The following EPB41L4A variants were observed in gnomAD, a reference collection of about 807,000 sequenced individuals.
EPB41L4A encodes band 4.1-like protein 4A.
In EPB41L4A, 100 loss-of-function variants were observed where a neutral mutation model predicts 108.6. That is an observed-to-expected ratio of 0.92 (90% CI 0.78 to 1.09). EPB41L4A has a LOEUF of 1.09. Ranked by LOEUF, EPB41L4A falls within the 50% of genes least tolerant of loss-of-function variation. The pLI, the probability that EPB41L4A is intolerant of heterozygous loss-of-function variation, is 0.00. For missense variants in EPB41L4A, 1,030 were observed against 842.7 expected, an observed-to-expected ratio of 1.22 and a Z score of -2.75; for synonymous variants, 319 against 289.0, an observed-to-expected ratio of 1.10 and a Z score of -1.05.
chr5:112,299,880 CT>C (rs1006245729), intron 2 of EPB41L4A, among the ~76,000 whole-genome samples: 39 of 152,290 alleles, frequency 2.6e-4, no homozygotes, highest in Middle Eastern at 3.4e-3. Flanking sequence ...TGATATTTTC[CT>C]GTTGCACAAG....
In EPB41L4A at chr5:112,259,996, A is replaced by G; in HGVS notation, c.643-17T>C. The G allele has an allele frequency of 6.5e-7, 1 of 1,545,788 alleles. No individual in the cohort carries two copies. On this transcript the variant is annotated splice_polypyrimidine_tract_variant and intron_variant, in intron 7 of 22. Coordinates refer to ENST00000261486, the MANE Select transcript of EPB41L4A (RefSeq NM_022140.5). ...GTTTTCTCCCTGCAAAAACAAACAT[A>G]TGCCTATAACCACATATTCACATAA... is the stretch of plus-strand genomic sequence containing the variant.
intron 2 of EPB41L4A, among the ~76,000 whole-genome samples, chr5:112,301,921 T>C (rs1474713045): frequency 1.3e-5 from 2 of 151,968 alleles, no homozygotes; most frequent in African/African-American, 4.8e-5. Context: ...TTAATAAAAA[T>C]ATAATAACAT....
At position 112,350,720 on chromosome 5, in the gene EPB41L4A, G is replaced by A. The variant is rs545347116; in HGVS notation, c.100-43230C>T. Among the ~76,000 whole-genome samples the A allele has an allele frequency of 3.3e-5, 5 of 152,280 alleles. No homozygotes were observed. In the Middle Eastern group the frequency reaches 0.01, roughly 311 times the overall value. On this transcript the variant is annotated intron_variant, in intron 1 of 22. Transcript: ENST00000261486. ...ACTTTTTTAGCTCCCACATGAGTCA[G>A]AACATGTGGTATCTTTCTGTGCCTG... is the stretch of plus-strand genomic sequence containing the variant.
intron 12 of EPB41L4A, among the ~76,000 whole-genome samples, chr5:112,149,833 G>A (rs1289158954): frequency 7.2e-5 from 11 of 152,206 alleles, no homozygotes; most frequent in African/African-American, 2.7e-4. Flanking sequence ...CTGGAGCTGG[G>A]ATTTGCCTGG....
chr5:112,341,038 T>C (rs942668256), intron 1 of EPB41L4A, among the ~76,000 whole-genome samples: 3 of 152,140 alleles, frequency 2.0e-5, no homozygotes, highest in Non-Finnish European at 4.4e-5. Flanking sequence ...CACCACTCCA[T>C]AATAGCAATC....
chr5:112,223,503 A>G (rs995983670), intron 12 of EPB41L4A, among the ~76,000 whole-genome samples: 6 of 152,174 alleles, frequency 3.9e-5, no homozygotes, highest in East Asian at 1.9e-4. Context: ...CTACTCAGGA[A>G]TATCTATCCC....
At chr5:112,360,582 T>C (rs1159729482) in intron 1 of EPB41L4A, among the ~76,000 whole-genome samples, 1 of 152,218 alleles carries the variant, frequency 6.6e-6, no homozygotes, top group African/African-American at 2.4e-5. Flanking sequence ...GTGCTCAATG[T>C]TGCCCAGGCT....
At chr5:112,306,526 C>T (rs1754692009) in intron 2 of EPB41L4A, among the ~76,000 whole-genome samples, 1 of 152,132 alleles carries the variant, frequency 6.6e-6, no homozygotes, top group Non-Finnish European at 1.5e-5. Flanking sequence ...GAATGTACCA[C>T]AAATGACCCA....
intron 1 of EPB41L4A, among the ~76,000 whole-genome samples, chr5:112,382,357 G>A (rs1760227395): frequency 6.6e-6 from 1 of 152,240 alleles, no homozygotes; most frequent in East Asian, 1.9e-4. Flanking sequence ...GAAACTAGGA[G>A]CAAACCTGCT....
intron 10 of EPB41L4A, 55 bp from the exon 11 acceptor site, chr5:112,239,792 G>A: frequency 8.3e-7 from 1 of 1,205,262 alleles, no homozygotes; most frequent in Non-Finnish European, 1.2e-6. Flanking sequence ...AGGCATTCTG[G>A]GCCACCCCCT....
intron 1 of EPB41L4A, among the ~76,000 whole-genome samples, chr5:112,369,252 C>A (rs1455007035): frequency 1.3e-5 from 2 of 152,166 alleles, no homozygotes; most frequent in African/African-American, 4.8e-5. Context: ...TTCCTTTCCA[C>A]ACCAACTTCC....
intron 9 of EPB41L4A, among the ~76,000 whole-genome samples, chr5:112,258,497 T>C (rs1185049186): frequency 2.0e-5 from 3 of 152,250 alleles, no homozygotes; most frequent in Non-Finnish European, 2.9e-5. Flanking sequence ...CCCATAAATA[T>C]GGATTAAACA....
intron 17 of EPB41L4A, among the ~76,000 whole-genome samples, chr5:112,190,230 G>A (rs1761627824): frequency 6.6e-6 from 1 of 152,256 alleles, no homozygotes; most frequent in African/African-American, 2.4e-5. Flanking sequence ...AATCCTACCA[G>A]TGAATTGAAA....
At chr5:112,385,807 G>C (rs1208844524) in intron 1 of EPB41L4A, among the ~76,000 whole-genome samples, 1 of 152,094 alleles carries the variant, frequency 6.6e-6, no homozygotes, top group Non-Finnish European at 1.5e-5. Flanking sequence ...CATAGCACTA[G>C]AGATAATAAG....
In EPB41L4A at chr5:112,209,978, T is replaced by C. The variant is rs1225102699; in HGVS notation, c.1092A>G (p.Ser364=). 3 of 1,564,448 alleles carry C rather than the reference T, an allele frequency of 1.9e-6. No individual in the cohort carries two copies. Among genetic ancestry groups the C allele is most frequent in the Non-Finnish European group, 1.8e-6 (2 of 1,138,526 alleles). ...KRIAQTQPAE[S]NSISRITANM... is the part of the protein sequence containing the mutation. ...TTGCAGTTATCCTACTGATGCTGTT[T>C]GATTCTAGCAGAGGAGGAGAAGGAA... Residue 364 remains serine (S), a synonymous_variant, in exon 13 of 23, where the codon TCA becomes TCG. Coordinates refer to ENST00000261486, the MANE Select transcript of EPB41L4A (RefSeq NM_022140.5).
At chr5:112,180,442 G>C (rs939054048) in intron 18 of EPB41L4A, among the ~76,000 whole-genome samples, 3 of 151,974 alleles carry the variant, frequency 2.0e-5, no homozygotes, top group African/African-American at 7.3e-5. Context: ...TTTCAACAAA[G>C]GCCACAAGGC....
chr5:112,353,189 C>T (rs1248162893), intron 1 of EPB41L4A, among the ~76,000 whole-genome samples: 2 of 152,066 alleles, frequency 1.3e-5, no homozygotes, highest in Non-Finnish European at 2.9e-5. Flanking sequence ...TAGACCAGTC[C>T]TCAGGCCTCA....
chr5:112,326,280 G>T (rs1430320713), intron 1 of EPB41L4A, among the ~76,000 whole-genome samples: 1 of 151,728 alleles, frequency 6.6e-6, no homozygotes, highest in Non-Finnish European at 1.5e-5. Context: ...CACCTCAAAG[G>T]CATGCCAAAC....
intron 2 of EPB41L4A, among the ~76,000 whole-genome samples, chr5:112,283,017 T>A (rs2150513347): frequency 6.6e-6 from 1 of 152,260 alleles, no homozygotes; most frequent in Admixed American, 6.5e-5. Context: ...TGGGAAAAAC[T>A]GGTTAATCTA....
Sources: gnomAD v4.1 joint callset for allele counts (sites outside exome capture counted in the v4.1 genomes callset) on GRCh38, gnomAD v4.1.1 for gene constraint, MANE v1.5 for transcripts, NCBI Gene and HGNC (gene_info 2026-07-23, HGNC 2026-07-21) for gene names.